SYNJ2BP: variants seen among roughly 807,000 people sequenced by gnomAD.
SYNJ2BP encodes the protein synaptojanin-2-binding protein.
In SYNJ2BP, 10 loss-of-function variants were observed where a neutral mutation model predicts 16.9. The ratio of observed to expected loss-of-function variants is 0.59; its 90% CI spans 0.36 to 1.00. SYNJ2BP has a LOEUF of 1.00. Ranked by LOEUF, SYNJ2BP falls within the 50% of genes least tolerant of loss-of-function variation. The pLI is 0.01. For synonymous variants in SYNJ2BP, 54 were observed against 68.4 expected, an observed-to-expected ratio of 0.79 and a Z score of 1.04; for missense variants, 162 against 186.7, an observed-to-expected ratio of 0.87 and a Z score of 0.77.
chr14:70,404,389 T>C (rs1349380730), intron 1 of SYNJ2BP, among the ~76,000 whole-genome samples: 2 of 152,174 alleles, frequency 1.3e-5, no homozygotes, highest in African/African-American at 2.4e-5. Flanking sequence ...ATATAAATGG[T>C]ATAAAAGTGT....
At chr14:70,402,239 T>C (rs1319559132) in intron 1 of SYNJ2BP, among the ~76,000 whole-genome samples, 1 of 152,222 alleles carries the variant, frequency 6.6e-6, no homozygotes, top group Non-Finnish European at 1.5e-5. Flanking sequence ...GTGTATGTTA[T>C]GGCTGGTAAG....
At position 70,417,063 on chromosome 14, in the gene SYNJ2BP, G is replaced by C. The variant is rs938694617; in HGVS notation, c.-100C>G. On this transcript the variant is annotated 5_prime_UTR_variant, in exon 1 of 4. Coordinates refer to ENST00000256366, the MANE Select transcript of SYNJ2BP (RefSeq NM_018373.3). ...CTGCGCCCACAGCACAGCGGTTTCG[G>C]TTTCAGCAGCCTCGAGACCCGGAAA... The C allele has an allele frequency of 1.3e-6, 2 of 1,582,974 alleles. No individual in the cohort carries two copies. Among genetic ancestry groups the C allele is most frequent in the African/African-American group, 1.3e-5 (1 of 74,286 alleles).
intron 2 of SYNJ2BP, among the ~76,000 whole-genome samples, chr14:70,387,528 A>C (rs1887885032): frequency 6.6e-6 from 1 of 152,112 alleles, no homozygotes; most frequent in South Asian, 2.1e-4. Context: ...GCTATGATTC[A>C]AAAGGTTAAA....
At chr14:70,375,450 T>C (rs892925153) in intron 3 of SYNJ2BP, among the ~76,000 whole-genome samples, 1 of 152,196 alleles carries the variant, frequency 6.6e-6, no homozygotes, top group Admixed American at 6.5e-5. Context: ...TCCGCCCACC[T>C]TGGCCTCCCA....
At chr14:70,376,150 AT>A (rs1229400820) in intron 2 of SYNJ2BP, among the ~76,000 whole-genome samples, 2 of 152,180 alleles carry the variant, frequency 1.3e-5, no homozygotes, top group African/African-American at 4.8e-5. Context: ...TAACCTTTAT[AT>A]TCCTAAGCCC....
chr14:70,409,226 A>G (rs8012142), intron 1 of SYNJ2BP, among the ~76,000 whole-genome samples: 31,714 of 152,066 alleles, frequency 0.21, 4,827 homozygotes, highest in East Asian at 0.54. Context: ...GAACTGCAAA[A>G]TTCTTAAAAA....
chr14:70,403,057 T>C (rs184893972), intron 1 of SYNJ2BP, among the ~76,000 whole-genome samples: 2 of 152,364 alleles, frequency 1.3e-5, no homozygotes, highest in African/African-American at 2.4e-5. Context: ...CAAATAATGG[T>C]ATATAGATAT....
chr14:70,395,450 C>T (rs1415488765), intron 1 of SYNJ2BP, among the ~76,000 whole-genome samples: 1 of 151,874 alleles, frequency 6.6e-6, no homozygotes, highest in Non-Finnish European at 1.5e-5. Context: ...TTCTCCCAGA[C>T]ATCAATCAAA....
chr14:70,388,926 CTT>C (rs201784694), intron 1 of SYNJ2BP, among the ~76,000 whole-genome samples: 1 of 137,390 alleles, frequency 7.3e-6, no homozygotes. Flanking sequence ...TCTTCTTTTT[CTT>C]TTTTTTTTTT....
At chr14:70,395,552 G>A (rs146461521) in intron 1 of SYNJ2BP, among the ~76,000 whole-genome samples, 3,231 of 150,446 alleles carry the variant, frequency 0.021, 102 homozygotes, top group African/African-American at 0.075. Flanking sequence ...AGATCAATCC[G>A]ACTAATTTTC....
intron 3 of SYNJ2BP, among the ~76,000 whole-genome samples, chr14:70,375,065 G>A (rs1239732960): frequency 6.6e-6 from 1 of 151,606 alleles, no homozygotes; most frequent in Admixed American, 6.6e-5. Context: ...GTACAGATGT[G>A]AGTCACCACA....
intron 1 of SYNJ2BP, among the ~76,000 whole-genome samples, chr14:70,411,681 T>TTGTGGG: frequency 6.6e-6 from 1 of 152,358 alleles, no homozygotes; most frequent in East Asian, 1.9e-4. Flanking sequence ...AGCCTGTCCA[T>TTGTGGG]TCCAGAAGAC....
rs1478456157 is a variant in SYNJ2BP at position 70,373,328 on chromosome 14, G to A, written c.298-197C>T. On this transcript the variant is annotated intron_variant, in intron 3 of 3. Coordinates refer to ENST00000256366, the MANE Select transcript of SYNJ2BP (RefSeq NM_018373.3). ...CACAGGATCTTTGGAAAGAAAATAG[G>A]TCTAATGGGGAGGCATTTAACCTTG... 2.6e-5 allele frequency among the ~76,000 whole-genome samples: 4 copies of A among 152,124 alleles called. No homozygotes were observed. The East Asian group carries it at 7.7e-4, about 29-fold the overall frequency.
At position 70,370,013 on chromosome 14, in the gene SYNJ2BP, G is replaced by A. The variant is rs1887483781; in HGVS notation, c.*2978C>T. The A allele has an allele frequency of 1.3e-5, 2 of 151,998 alleles. No homozygotes were observed. The highest frequency in any genetic ancestry group is 2.9e-5 in the Non-Finnish European group (2 of 67,994). 9.4% of individuals were successfully genotyped at this position (151,998 alleles called of 1,614,324 possible). The stretch of plus-strand genomic sequence containing the variant: ...TCATCTATAATTTTAGTTTTCTATA[G>A]AATCAATAATATAATTAGTGTACCT... On this transcript the variant is annotated 3_prime_UTR_variant, in exon 4 of 4. Coordinates refer to ENST00000256366, the MANE Select transcript of SYNJ2BP (RefSeq NM_018373.3).
intron 1 of SYNJ2BP, among the ~76,000 whole-genome samples, chr14:70,396,952 C>G (rs1353138667): frequency 1.3e-5 from 2 of 152,186 alleles, no homozygotes; most frequent in African/African-American, 4.8e-5. Flanking sequence ...TAACTCTCCT[C>G]ATAGTGTCCT....
At chr14:70,389,878 A>G (rs537256094) in intron 1 of SYNJ2BP, among the ~76,000 whole-genome samples, 7 of 152,306 alleles carry the variant, frequency 4.6e-5, no homozygotes, top group African/African-American at 1.7e-4. Context: ...CCATTCTAAT[A>G]TTTGTTTTTA....
chr14:70,416,274 C>T (rs1020815691), intron 1 of SYNJ2BP, among the ~76,000 whole-genome samples: 1 of 150,846 alleles, frequency 6.6e-6, no homozygotes, highest in Admixed American at 6.6e-5. Context: ...TGTATTAAAT[C>T]CAAATCCCTG....
At chr14:70,404,318 C>T (rs978628993) in intron 1 of SYNJ2BP, among the ~76,000 whole-genome samples, 4 of 152,128 alleles carry the variant, frequency 2.6e-5, no homozygotes, top group Non-Finnish European at 2.9e-5. Context: ...CTTGGGATGA[C>T]GGCCAGCTTT....
intron 1 of SYNJ2BP, among the ~76,000 whole-genome samples, chr14:70,408,587 C>T (rs183147948): frequency 2.0e-5 from 3 of 151,420 alleles, no homozygotes; most frequent in South Asian, 2.1e-4. Context: ...GCGGGAGAAT[C>T]GCTTGAACCC....
Sources: gnomAD v4.1 joint callset for allele counts (sites outside exome capture counted in the v4.1 genomes callset) on GRCh38, gnomAD v4.1.1 for gene constraint, MANE v1.5 for transcripts, NCBI Gene and HGNC (gene_info 2026-07-23, HGNC 2026-07-21) for gene names.